The following SYN2 variants were observed in gnomAD, a reference collection of about 807,000 sequenced individuals.
SYN2 encodes the protein synapsin-2.
Under a neutral mutation model 50.9 loss-of-function variants are expected in SYN2, and 19 were observed. The ratio of observed to expected loss-of-function variants is 0.37; its 90% CI spans 0.26 to 0.55. SYN2 has a LOEUF of 0.55. SYN2 is among the 20% of genes least tolerant of loss of function. SYN2 has a pLI of 0.81. For synonymous variants in SYN2, 255 were observed against 224.9 expected (o/e 1.13, Z -1.20); for missense variants, 587 against 576.4 (o/e 1.02, Z -0.19).
intron 1 of SYN2, among the ~76,000 whole-genome samples, chr3:12,036,194 T>C (rs1694494512): frequency 6.6e-6 from 1 of 152,102 alleles, no homozygotes; most frequent in Non-Finnish European, 1.5e-5. Context: ...TAGGCATTGC[T>C]GTAGTGGAGA....
chr3:12,019,024 C>A (rs1420784420), intron 1 of SYN2, among the ~76,000 whole-genome samples: 1 of 152,070 alleles, frequency 6.6e-6, no homozygotes, highest in Non-Finnish European at 1.5e-5. Context: ...CTTTTTGGTG[C>A]CTTCTCTCTC....
At chr3:12,151,943 A>G (rs1421902046) in intron 5 of SYN2, among the ~76,000 whole-genome samples, 1 of 152,154 alleles carries the variant, frequency 6.6e-6, no homozygotes, top group East Asian at 1.9e-4. Flanking sequence ...GTTGGTTGGT[A>G]AGGAGGCTAT....
chr3:12,128,977 A>G (rs759644481), intron 1 of SYN2, among the ~76,000 whole-genome samples: 1 of 152,186 alleles, frequency 6.6e-6, no homozygotes, highest in East Asian at 1.9e-4. Flanking sequence ...CGCTATTCTC[A>G]TGGAGCTTAC....
chr3:12,009,169 G>A (rs1258909321), intron 1 of SYN2, among the ~76,000 whole-genome samples: 1 of 152,188 alleles, frequency 6.6e-6, no homozygotes, highest in African/African-American at 2.4e-5. Context: ...AGCAGCAGTT[G>A]CCTGTACTTT....
rs1291387876 is a variant in SYN2, at chr3:12,192,001, A to C, written c.*1376A>C. On this transcript the variant is annotated 3_prime_UTR_variant, in exon 13 of 13. Transcript: ENST00000621198. Reference sequence around the variant, plus strand: ...CTGTGAAGATAAACACTACATCTGCACCAATAAAAAATCCATATATTAAAA... The same window carrying C: ...CTGTGAAGATAAACACTACATCTGCCCCAATAAAAAATCCATATATTAAAA... Among the ~76,000 whole-genome samples, 1 of 152,218 alleles carries C rather than the reference A, an allele frequency of 6.6e-6. No homozygotes were observed. Among genetic ancestry groups the C allele is most frequent in the African/African-American group, 2.4e-5 (1 of 41,462 alleles).
intron 1 of SYN2, among the ~76,000 whole-genome samples, chr3:12,054,511 G>A (rs1350683218): frequency 2.0e-5 from 3 of 152,078 alleles, no homozygotes; most frequent in Admixed American, 6.6e-5. Flanking sequence ...CTGGGGAGGA[G>A]CAAAAGATTT....
intron 1 of SYN2, among the ~76,000 whole-genome samples, chr3:12,010,484 G>C (rs1049949196): frequency 2.6e-5 from 4 of 152,200 alleles, no homozygotes; most frequent in Admixed American, 1.3e-4. Context: ...TAATTAGTAT[G>C]CATAGGATGC....
At chr3:12,106,640 A>G (rs1209111130) in intron 1 of SYN2, among the ~76,000 whole-genome samples, 3 of 152,182 alleles carry the variant, frequency 2.0e-5, no homozygotes. Flanking sequence ...TTAAATCCCT[A>G]GTCTCTAGCA....
At chr3:12,151,168 A>G (rs189120366) in intron 4 of SYN2, 69 bp from the exon 5 acceptor site, 74 of 1,079,900 alleles carry the variant, frequency 6.9e-5, no homozygotes, top group Non-Finnish European at 9.5e-5. Flanking sequence ...TAAATATTTG[A>G]TGAGTTGATG....
intron 1 of SYN2, among the ~76,000 whole-genome samples, chr3:12,008,957 G>A (rs1248534677): frequency 1.3e-5 from 2 of 152,184 alleles, no homozygotes; most frequent in African/African-American, 4.8e-5. Flanking sequence ...TTTCTAGCCA[G>A]CCTTTGAGCA....
chr3:12,102,186 G>A (rs1043490438), intron 1 of SYN2, among the ~76,000 whole-genome samples: 1 of 152,068 alleles, frequency 6.6e-6, no homozygotes, highest in African/African-American at 2.4e-5. Context: ...TAAAAGACCA[G>A]GTAAAGTGAT....
chr3:12,072,939 C>G (rs1695391550), intron 1 of SYN2, among the ~76,000 whole-genome samples: 1 of 152,070 alleles, frequency 6.6e-6, no homozygotes, highest in African/African-American at 2.4e-5. Flanking sequence ...TAGTTGAAAG[C>G]TCTGTGCGTT....
chr3:12,171,091 G>A (rs1697926749), intron 10 of SYN2, among the ~76,000 whole-genome samples: 1 of 152,130 alleles, frequency 6.6e-6, no homozygotes, highest in South Asian at 2.1e-4. Flanking sequence ...CTCTTTCTGG[G>A]TATCTGAGTT....
chr3:12,156,719 G>A (rs1225645673), intron 5 of SYN2: 9 of 872,956 alleles, frequency 1.0e-5, no homozygotes, highest in African/African-American at 6.8e-5. Flanking sequence ...AATGCCACCT[G>A]GCTCAGCCTA....
rs561242934 is a variant in SYN2, at chr3:12,018,694, A to T, written c.377+13766A>T. 1.3e-4 allele frequency among the ~76,000 whole-genome samples: 20 copies of T among 152,304 alleles called. No homozygotes were observed. In the East Asian group the frequency reaches 2.3e-3, roughly 18 times the overall value. On this transcript the variant is annotated intron_variant, in intron 1 of 12. Coordinates refer to ENST00000621198, the MANE Select transcript of SYN2 (RefSeq NM_133625.6). ...GTAACAATTTGCTATTCTTCTCTGA[A>T]TCTCAGTTTCCTCATCCTTAAAATT... is the stretch of plus-strand genomic sequence containing the variant.
intron 1 of SYN2, among the ~76,000 whole-genome samples, chr3:12,091,182 A>G (rs1475851583): frequency 6.6e-6 from 1 of 152,134 alleles, no homozygotes; most frequent in Non-Finnish European, 1.5e-5. Flanking sequence ...CCTTGGGCTC[A>G]TTACAACTAT....
chr3:12,173,533 C>T (rs1489160377), intron 10 of SYN2, among the ~76,000 whole-genome samples: 1 of 152,142 alleles, frequency 6.6e-6, no homozygotes, highest in Non-Finnish European at 1.5e-5. Context: ...TTGTTTTAGC[C>T]ACCGTCTCCC....
chr3:12,081,470 CTTAA>C (rs769858676), intron 1 of SYN2, among the ~76,000 whole-genome samples: 2 of 151,838 alleles, frequency 1.3e-5, no homozygotes, highest in Non-Finnish European at 2.9e-5. Context: ...AGCTCCTTCC[CTTAA>C]TTTACTTTTT....
Position 12,183,946 on chromosome 3 carries a change from A to G in SYN2, c.1369+574A>G, listed in dbSNP as rs112811307. 1.0e-3 allele frequency: 1,018 copies of G among 990,892 alleles called. 1 individual carries two copies. The highest frequency in any genetic ancestry group is 1.2e-3 in the Non-Finnish European group (962 of 833,832). The allele number at this position is 990,892 out of a possible 1,614,324, so 61.4% of individuals were successfully genotyped here. On this transcript the variant is annotated intron_variant, in intron 11 of 12. Transcript: ENST00000621198. ...GTGCTTTTCGCTTTCTTTCTGCATGACTATTGTAACTAGATAGAACATTAA... is the reference window on the plus strand; with the variant it reads ...GTGCTTTTCGCTTTCTTTCTGCATGGCTATTGTAACTAGATAGAACATTAA...
Sources: gnomAD v4.1 joint callset for allele counts (sites outside exome capture counted in the v4.1 genomes callset) on GRCh38, gnomAD v4.1.1 for gene constraint, MANE v1.5 for transcripts, NCBI Gene and HGNC (gene_info 2026-07-23, HGNC 2026-07-21) for gene names.